Variants in ASIC2 observed in about 807,000 individuals in gnomAD.
ASIC2 encodes the protein acid-sensing ion channel 2.
In ASIC2, 25 loss-of-function variants were observed where a neutral mutation model predicts 57.3. That is an observed-to-expected ratio of 0.44 (90% CI 0.32 to 0.61). The LOEUF is 0.61. ASIC2 is among the 20% of genes least tolerant of loss of function. The pLI is 0.06. For missense variants in ASIC2, 641 were observed against 738.1 expected, an observed-to-expected ratio of 0.87 and a Z score of 1.52; for synonymous variants, 319 against 307.5, an observed-to-expected ratio of 1.04 and a Z score of -0.39.
intron 1 of ASIC2, among the ~76,000 whole-genome samples, chr17:33,603,736 G>A (rs1396624972): frequency 1.3e-5 from 2 of 152,208 alleles, no homozygotes; most frequent in Non-Finnish European, 2.9e-5. Context: ...ATTAACTGCT[G>A]TAAAAGATAA....
At chr17:33,182,258 T>TCTC (rs1906016161) in intron 1 of ASIC2, among the ~76,000 whole-genome samples, 2 of 152,232 alleles carry the variant, frequency 1.3e-5, no homozygotes, top group South Asian at 4.1e-4. Flanking sequence ...ATGGACTTTG[T>TCTC]AAAAAACAAG....
At chr17:33,423,638 C>T (rs763892514) in intron 1 of ASIC2, among the ~76,000 whole-genome samples, 10 of 152,160 alleles carry the variant, frequency 6.6e-5, no homozygotes, top group Non-Finnish European at 1.0e-4. Flanking sequence ...TCTCTCCTTG[C>T]CCTGGTTTCA....
intron 1 of ASIC2, among the ~76,000 whole-genome samples, chr17:33,711,100 G>A (rs891730212): frequency 5.9e-5 from 9 of 152,128 alleles, no homozygotes; most frequent in African/African-American, 2.2e-4. Flanking sequence ...ACAGGTGTGA[G>A]CCAACACAGT....
intron 1 of ASIC2, among the ~76,000 whole-genome samples, chr17:33,942,756 C>G (rs531390527): frequency 1.1e-3 from 168 of 152,268 alleles, no homozygotes; most frequent in African/African-American, 3.9e-3. Flanking sequence ...TTAAGTTGAA[C>G]AGCAAGGGCT....
At chr17:33,222,947 GC>G (rs1375850645) in intron 1 of ASIC2, among the ~76,000 whole-genome samples, 1 of 151,528 alleles carries the variant, frequency 6.6e-6, no homozygotes, top group South Asian at 2.1e-4. Context: ...CTAACCAGAA[GC>G]CCAGTTTCTT....
chr17:33,435,158 C>G (rs1263976218), intron 1 of ASIC2, among the ~76,000 whole-genome samples: 3 of 152,110 alleles, frequency 2.0e-5, no homozygotes, highest in African/African-American at 7.2e-5. Context: ...TATAAATTTT[C>G]TAGCTCTGTT....
At chr17:33,026,774 T>C (rs971714542) in intron 4 of ASIC2, among the ~76,000 whole-genome samples, 1 of 152,176 alleles carries the variant, frequency 6.6e-6, no homozygotes, top group Non-Finnish European at 1.5e-5. Flanking sequence ...AAACCCAGGA[T>C]CTTTTCTTTT....
intron 1 of ASIC2, among the ~76,000 whole-genome samples, chr17:33,202,169 C>T (rs1431671315): frequency 1.3e-5 from 2 of 152,162 alleles, no homozygotes; most frequent in Admixed American, 1.3e-4. Flanking sequence ...GCTCACCTGG[C>T]CTGCCTGCAT....
At chr17:33,225,192 C>G (rs572844729) in intron 1 of ASIC2, among the ~76,000 whole-genome samples, 1 of 152,314 alleles carries the variant, frequency 6.6e-6, no homozygotes, top group South Asian at 2.1e-4. Context: ...AATACCAAGC[C>G]TGTGCTGTGG....
intron 2 of ASIC2, among the ~76,000 whole-genome samples, chr17:33,101,318 A>T (rs1389661848): frequency 6.6e-6 from 1 of 152,218 alleles, no homozygotes; most frequent in Non-Finnish European, 1.5e-5. Flanking sequence ...CTAAAAATTT[A>T]TGATGATTTT....
At chr17:33,803,231 G>A (rs2142147348) in intron 1 of ASIC2, among the ~76,000 whole-genome samples, 1 of 152,308 alleles carries the variant, frequency 6.6e-6, no homozygotes, top group South Asian at 2.1e-4. Flanking sequence ...GGGGTAAAGA[G>A]AGGAAATCTG....
intron 1 of ASIC2, among the ~76,000 whole-genome samples, chr17:33,711,519 C>T (rs1305923015): frequency 6.6e-6 from 1 of 152,122 alleles, no homozygotes; most frequent in Non-Finnish European, 1.5e-5. Context: ...TTACTCTGTT[C>T]TCACACTGCT....
intron 1 of ASIC2, among the ~76,000 whole-genome samples, chr17:33,189,910 T>C (rs77538754): frequency 0.066 from 10,032 of 152,184 alleles, 470 homozygotes; most frequent in East Asian, 0.2. Context: ...AGTGAGGATA[T>C]AGAAGACTTG....
chr17:33,646,013 C>CA (rs1231614559), intron 1 of ASIC2, among the ~76,000 whole-genome samples: 2 of 152,120 alleles, frequency 1.3e-5, no homozygotes, highest in African/African-American at 4.8e-5. Flanking sequence ...AGCTGGTGCA[C>CA]AGTAGAGCTG....
chr17:33,989,927 G>T (rs1006190132), intron 1 of ASIC2, among the ~76,000 whole-genome samples: 1 of 152,196 alleles, frequency 6.6e-6, no homozygotes, highest in Admixed American at 6.5e-5. Context: ...GCAGTGGGAA[G>T]AAGGGGAAAG....
intron 1 of ASIC2, among the ~76,000 whole-genome samples, chr17:33,208,104 C>A (rs771058730): frequency 3.3e-5 from 5 of 152,286 alleles, no homozygotes; most frequent in Non-Finnish European, 5.9e-5. Context: ...TGTGTCCTAT[C>A]CCCTGACCCC....
chr17:33,679,742 G>C (rs1597832815), intron 1 of ASIC2, among the ~76,000 whole-genome samples: 1 of 152,272 alleles, frequency 6.6e-6, no homozygotes, highest in South Asian at 2.1e-4. Flanking sequence ...GAAGGCAGAG[G>C]GGACAGCCTT....
chr17:33,292,377 T>A lies in ASIC2; in HGVS notation c.-262A>T, dbSNP rs1293093745. The A allele has an allele frequency of 1.0e-6, 1 of 985,456 alleles. No homozygotes were observed. The highest frequency in any genetic ancestry group is 1.1e-4 in the East Asian group (1 of 8,716). 61.0% of individuals were successfully genotyped at this position (985,456 alleles called of 1,614,324 possible). ...GGCCTCTCCCGAGCGCCTCCCAGGC[T>A]TTCCCGGCCCCTGGTCTTCCTGGAG... On this transcript the variant is annotated 5_prime_UTR_variant, in exon 1 of 10. It adds an upstream start codon to the 5' untranslated region. Transcript: ENST00000225823.
At chr17:33,427,861 T>C (rs1911272032) in intron 1 of ASIC2, among the ~76,000 whole-genome samples, 1 of 152,226 alleles carries the variant, frequency 6.6e-6, no homozygotes, top group Non-Finnish European at 1.5e-5. Context: ...GTGGAAATGA[T>C]GGAGTGTGAC....
Sources: gnomAD v4.1 joint callset for allele counts (sites outside exome capture counted in the v4.1 genomes callset) on GRCh38, gnomAD v4.1.1 for gene constraint, MANE v1.5 for transcripts, NCBI Gene and HGNC (gene_info 2026-07-23, HGNC 2026-07-21) for gene names.